Variants in CCDC15 observed in about 807,000 individuals in gnomAD.
CCDC15 encodes coiled-coil domain-containing protein 15.
In CCDC15, 105 loss-of-function variants were observed where a neutral mutation model predicts 114.5. That is an observed-to-expected ratio of 0.92 (90% CI 0.78 to 1.08). The LOEUF (loss-of-function observed/expected upper bound fraction) is 1.08, where lower values mean the gene tolerates loss of function less well. CCDC15 is among the 50% of genes least tolerant of loss of function. The probability of loss-of-function intolerance (pLI) is 0.00; values close to 1 mark genes in which losing one functional copy is unlikely to be tolerated. For missense variants in CCDC15, 1,105 were observed against 1,093.6 expected (o/e 1.01, Z -0.15); for synonymous variants, 334 against 377.8 (o/e 0.88, Z 1.34).
At chr11:125,026,396 C>T (rs1351598096) in intron 13 of CCDC15, among the ~76,000 whole-genome samples, 4 of 152,222 alleles carry the variant, frequency 2.6e-5, no homozygotes, top group Non-Finnish European at 5.9e-5. Context: ...CCTTGATTCT[C>T]CCTCCATGCC....
chr11:125,008,098 G>A (rs1285145081), intron 13 of CCDC15, among the ~76,000 whole-genome samples: 4 of 152,190 alleles, frequency 2.6e-5, no homozygotes, highest in African/African-American at 7.2e-5. Context: ...TGCAGTTAAT[G>A]TATATATCAA....
chr11:124,991,580 T>G lies in CCDC15; in HGVS notation c.2028T>G (p.Asn676Lys). The G allele has an allele frequency of 6.3e-7, 1 of 1,599,688 alleles. No homozygotes were observed. Among genetic ancestry groups the G allele is most frequent in the Admixed American group, 1.7e-5 (1 of 57,998 alleles). ...PKSQDQDDIK[N>K]QQPASFMREE... ...CCCAGGACCAGGATGACATCAAAAA[T>G]CAGGTAGAGTAGAAGAAAAAGATAT... is the stretch of plus-strand genomic sequence containing the variant. The change falls in exon 9 of 16, where the codon AAT becomes AAG. Residue 676 changes from asparagine to lysine, a missense_variant. Physicochemically the swap from Asn to Lys is moderately conservative, Grantham distance 94. Coordinates refer to ENST00000344762, the MANE Select transcript of CCDC15 (RefSeq NM_025004.3).
At chr11:124,960,098 G>T in intron 4 of CCDC15, 95 bp downstream of exon 4, 4 of 797,532 alleles carry the variant, frequency 5.0e-6, no homozygotes, top group South Asian at 3.6e-5. Context: ...GGGATTAAGA[G>T]TTATCACACT....
At chr11:124,954,654 C>T (rs1947515466) in intron 1 of CCDC15, 70 bp from the exon 2 acceptor site, 3 of 1,393,570 alleles carry the variant, frequency 2.2e-6, no homozygotes, top group South Asian at 2.5e-5. Flanking sequence ...GCCTGTGGCT[C>T]ATGTGTTAGG....
chr11:125,009,896 G>C (rs1565378438), intron 13 of CCDC15, among the ~76,000 whole-genome samples: 1 of 152,164 alleles, frequency 6.6e-6, no homozygotes, highest in Non-Finnish European at 1.5e-5. Flanking sequence ...TCTTTATCCA[G>C]TTCGCCACTG....
rs772215623 is a variant in CCDC15, at chr11:124,975,182, TGGAA to T, written c.608_611del (p.Arg203LysfsTer19). ...AAAAGGGATCAGTGTTTCCAGATGA[TGGAA>T]GGAAAAGCTTTCTTACCAGAGAGGT... On this transcript the variant is annotated frameshift_variant, in exon 5 of 16. Transcript: ENST00000344762. LOFTEE classifies it high-confidence loss of function. 6.3e-7 allele frequency: 1 copy of T among 1,595,200 alleles called. No homozygotes were observed. Among genetic ancestry groups the T allele is most frequent in the South Asian group, 1.1e-5 (1 of 87,504 alleles).
chr11:125,038,410 A>G, intron 13 of CCDC15, 21 bp from the exon 14 acceptor site: 1 of 1,369,734 alleles, frequency 7.3e-7, no homozygotes, highest in Non-Finnish European at 9.6e-7. Flanking sequence ...ATTCCTAACC[A>G]TGTTATGATT....
At chr11:125,027,867 C>T (rs1028715136) in intron 13 of CCDC15, among the ~76,000 whole-genome samples, 11 of 151,910 alleles carry the variant, frequency 7.2e-5, no homozygotes, top group Non-Finnish European at 1.0e-4. Flanking sequence ...TATAGTTTCA[C>T]GTCTTAGGTT....
intron 4 of CCDC15, among the ~76,000 whole-genome samples, chr11:124,967,917 G>C (rs1364479416): frequency 1.3e-5 from 2 of 152,168 alleles, no homozygotes; most frequent in Non-Finnish European, 2.9e-5. Context: ...GTTGGAGTTT[G>C]CTGGAGGTCC....
chr11:124,973,353 ATT>A (rs551840016), intron 4 of CCDC15, among the ~76,000 whole-genome samples: 1 of 144,506 alleles, frequency 6.9e-6, no homozygotes, highest in Non-Finnish European at 1.5e-5. Context: ...TCATGGGGCT[ATT>A]TTTTTTTTTT....
chr11:124,963,757 A>G, intron 4 of CCDC15, among the ~76,000 whole-genome samples: 1 of 152,180 alleles, frequency 6.6e-6, no homozygotes. Context: ...GTTTTCATCT[A>G]GAGTTTTTAT....
At position 125,038,600 on chromosome 11, in the gene CCDC15, C is replaced by A; in HGVS notation, c.2581C>A (p.Leu861Met). 1.9e-6 allele frequency: 3 copies of A among 1,554,504 alleles called. No homozygotes were observed. The highest frequency in any genetic ancestry group is 2.8e-5 in the African/African-American group (2 of 72,228). Reference sequence around the variant, plus strand: ...AAAACAACAGAGAGAAAAAGAATACCTGAGGTAATTTGAAAAGGTCTTCAT... The same window carrying A: ...AAAACAACAGAGAGAAAAAGAATACATGAGGTAATTTGAAAAGGTCTTCAT... ...REKQQREKEYLRYVEALRAQI... is the reference protein window; with the variant it reads ...REKQQREKEYMRYVEALRAQI... The change falls in exon 14 of 16, where the codon CTG becomes ATG. Residue 861 changes from leucine (L) to methionine (M), a missense_variant. Coordinates refer to ENST00000344762, the MANE Select transcript of CCDC15 (RefSeq NM_025004.3).
intron 11 of CCDC15, among the ~76,000 whole-genome samples, chr11:125,000,744 A>G (rs1948466085): frequency 6.6e-6 from 1 of 151,914 alleles, no homozygotes; most frequent in African/African-American, 2.4e-5. Context: ...TAAAATAATA[A>G]TAGCTTTATT....
At chr11:125,024,797 T>C (rs74513369) in intron 13 of CCDC15, among the ~76,000 whole-genome samples, 1 of 151,976 alleles carries the variant, frequency 6.6e-6, no homozygotes, top group East Asian at 1.9e-4. Flanking sequence ...TTGCACTGGC[T>C]AAGAATCTCC....
Position 124,959,117 on chromosome 11 carries a change from A to T in CCDC15, c.180A>T (p.Thr60=), listed in dbSNP as rs770684836. The T allele has an allele frequency of 2.6e-6, 4 of 1,558,826 alleles. No individual in the cohort carries two copies. Among genetic ancestry groups the T allele is most frequent in the East Asian group, 2.3e-5 (1 of 43,904 alleles). The change falls in exon 3 of 16, where the codon ACA becomes ACT. Residue 60 remains threonine (T), a splice_region_variant and synonymous_variant. Coordinates refer to ENST00000344762, the MANE Select transcript of CCDC15 (RefSeq NM_025004.3). ...TTTTCTGTCTTTCATCTTTAAAGAC[A>T]TCAGCATATTTAATTGAAGAAGAAC... ...SPGSSEIPAY[T]SAYLIEEELK...
chr11:124,979,853 A>G (rs1169438428), intron 6 of CCDC15, among the ~76,000 whole-genome samples: 1 of 152,156 alleles, frequency 6.6e-6, no homozygotes, highest in Non-Finnish European at 1.5e-5. Context: ...TCTGGTTTTC[A>G]AGGGGAATGC....
At chr11:125,015,649 C>T (rs942635652) in intron 13 of CCDC15, among the ~76,000 whole-genome samples, 4 of 152,086 alleles carry the variant, frequency 2.6e-5, no homozygotes, top group African/African-American at 9.7e-5. Context: ...CTGGGGAATT[C>T]TTTTTAAATG....
At chr11:124,974,393 A>C (rs1205289216) in intron 4 of CCDC15, among the ~76,000 whole-genome samples, 1 of 152,252 alleles carries the variant, frequency 6.6e-6, no homozygotes, top group Non-Finnish European at 1.5e-5. Context: ...AGAAATCAAA[A>C]TAGCCGCATA....
intron 13 of CCDC15, 79 bp from the exon 14 acceptor site, chr11:125,038,352 G>A: frequency 1.1e-6 from 1 of 932,068 alleles, no homozygotes; most frequent in Non-Finnish European, 1.5e-6. Context: ...GGGAATTTCT[G>A]GGAGTTATTT....
Sources: allele counts gnomAD v4.1 joint callset (sites outside exome capture counted in the v4.1 genomes callset), GRCh38; gene constraint gnomAD v4.1.1; transcripts MANE v1.5; gene names NCBI Gene and HGNC (gene_info 2026-07-23, HGNC 2026-07-21).